Variants in TYW5 observed in about 807,000 individuals in gnomAD.
The protein encoded by TYW5 is tRNA-yW synthesizing protein 5.
Under a neutral mutation model 44.4 loss-of-function variants are expected in TYW5, and 36 were observed. That is an observed-to-expected ratio of 0.81 (90% CI 0.62 to 1.07). The LOEUF is 1.07. Ranked by LOEUF, TYW5 falls within the 50% of genes least tolerant of loss-of-function variation. The pLI is 0.00. For missense variants in TYW5, 354 were observed against 365.7 expected (o/e 0.97, Z 0.26); for synonymous variants, 121 against 128.1 (o/e 0.94, Z 0.37).
intron 1 of TYW5, among the ~76,000 whole-genome samples, chr2:199,952,016 CA>C (rs557573511): frequency 0.013 from 1,361 of 108,542 alleles, 9 homozygotes; most frequent in South Asian, 0.032. Flanking sequence ...GACTCCGTCT[CA>C]AAAAAAAAAA....
Position 199,929,349 on chromosome 2 carries a change from T to C in TYW5, c.*3718A>G, listed in dbSNP as rs922311002. ...CTTAAAAGTATAATAAAAAAATAAA[T>C]AGAGACTACAACTTAGGTATATTTA... On this transcript the variant is annotated 3_prime_UTR_variant, in exon 8 of 8. Transcript: ENST00000354611. Among the ~76,000 whole-genome samples the C allele has an allele frequency of 6.6e-6, 1 of 151,986 alleles. No individual in the cohort carries two copies. Among genetic ancestry groups the C allele is most frequent in the African/African-American group, 2.4e-5 (1 of 41,384 alleles).
intron 2 of TYW5, 186 bp downstream of exon 2, chr2:199,948,132 A>G (rs1033937168): frequency 4.0e-5 from 24 of 597,376 alleles, no homozygotes; most frequent in Non-Finnish European, 5.7e-5. Context: ...TCACTGTATA[A>G]TTATGTAAAC....
Position 199,933,197 on chromosome 2 carries a change from G to C in TYW5, c.818C>G (p.Ser273Ter). The C allele has an allele frequency of 1.2e-6, 2 of 1,614,106 alleles. No homozygotes were observed. Among genetic ancestry groups the C allele is most frequent in the Non-Finnish European group, 1.7e-6 (2 of 1,180,006 alleles). The change falls in exon 8 of 8, where the codon TCA becomes TGA. Residue 273 changes from serine (S) to a stop codon, truncating the protein, a stop_gained. Coordinates refer to ENST00000354611, the MANE Select transcript of TYW5 (RefSeq NM_001039693.3). LOFTEE classifies it high-confidence loss of function. ...TYGNKDPTAA[S>*]RAAQILDRAL... Reference sequence around the variant, plus strand: ...TCTGTCCAGAATTTGTGCAGCTCTTGATGCTGCTGTAGGATCTTTGTTTCC... The same window carrying C: ...TCTGTCCAGAATTTGTGCAGCTCTTCATGCTGCTGTAGGATCTTTGTTTCC...
At chr2:199,936,609 A>C (rs2077423144) in intron 5 of TYW5, 117 bp from the exon 6 acceptor site, 1 of 743,442 alleles carries the variant, frequency 1.3e-6, no homozygotes, top group African/African-American at 1.8e-5. Context: ...GACTTACTTA[A>C]GACTCTTACA....
At chr2:199,935,904 C>G in intron 7 of TYW5, 27 bp downstream of exon 7, 1 of 1,413,348 alleles carries the variant, frequency 7.1e-7, no homozygotes, top group South Asian at 1.2e-5. Context: ...TTATAAATAG[C>G]ACATTAGTGA....
intron 1 of TYW5, among the ~76,000 whole-genome samples, chr2:199,953,334 AAAAAG>A (rs1260831426): frequency 1.3e-5 from 2 of 152,102 alleles, no homozygotes; most frequent in Non-Finnish European, 2.9e-5. Context: ...AAAAAAAAAG[AAAAAG>A]AAAATGATGT....
intron 2 of TYW5, 96 bp downstream of exon 2, chr2:199,948,222 G>T: frequency 7.8e-7 from 1 of 1,275,908 alleles, no homozygotes; most frequent in Non-Finnish European, 1.1e-6. Context: ...GCCAAAAGAT[G>T]AAATGCCATA....
At position 199,935,750 on chromosome 2, in the gene TYW5, AC is replaced by A. The variant is rs1445802606; in HGVS notation, c.691+180del. On this transcript the variant is annotated intron_variant, in intron 7 of 7. Transcript: ENST00000354611. ...CACACACACACACACACACACACAC[AC>A]ACACACACACACACATACACACACA... Among the ~76,000 whole-genome samples, 60 of 144,666 alleles carry A rather than the reference AC, an allele frequency of 4.1e-4. 1 individual carries two copies. Among genetic ancestry groups the A allele is most frequent in the Non-Finnish European group, 7.6e-4 (50 of 65,748 alleles). 94.9% of individuals were successfully genotyped at this position (144,666 alleles called of 152,430 possible).
Position 199,936,397 on chromosome 2 carries a change from T to C in TYW5, c.574+8A>G, listed in dbSNP as rs780854182. On this transcript the variant is annotated splice_region_variant and intron_variant, in intron 6 of 7. Coordinates refer to ENST00000354611, the MANE Select transcript of TYW5 (RefSeq NM_001039693.3). ...TTTTGAAATATAAACTTAAAAAAAA[T>C]CCCATACCTTTTAAATATAAATACT... is the stretch of plus-strand genomic sequence containing the variant. 6.2e-7 allele frequency: 1 copy of C among 1,603,652 alleles called. No homozygotes were observed. Among genetic ancestry groups the C allele is most frequent in the Non-Finnish European group, 8.5e-7 (1 of 1,176,330 alleles).
rs548704991 is a variant in TYW5, at chr2:199,929,250, C to T, written c.*3817G>A. 5.1e-4 allele frequency among the ~76,000 whole-genome samples: 78 copies of T among 152,108 alleles called. No individual in the cohort carries two copies. Among genetic ancestry groups the T allele is most frequent in the African/African-American group, 1.8e-3 (74 of 41,478 alleles). On this transcript the variant is annotated 3_prime_UTR_variant, in exon 8 of 8. Transcript: ENST00000354611. The stretch of plus-strand genomic sequence containing the variant: ...ATACCTAATGTAAATGACGAGTTAA[C>T]GGGTGCAGCACACCAACATGGCACA...
At position 199,940,244 on chromosome 2, in the gene TYW5, A is replaced by G. The variant is rs544417931; in HGVS notation, c.304-111T>C. 69 of 974,532 alleles carry G rather than the reference A, an allele frequency of 7.1e-5. No individual in the cohort carries two copies. The East Asian group carries it at 1.7e-3, about 24-fold the overall frequency. 60.4% of individuals were successfully genotyped at this position (974,532 alleles called of 1,614,324 possible). ...TTCATAATAATTAAAAGTAAAAAAA[A>G]GAATTATGTACTGAGAACTACGGAA... On this transcript the variant is annotated intron_variant, in intron 3 of 7. Coordinates refer to ENST00000354611, the MANE Select transcript of TYW5 (RefSeq NM_001039693.3).
In TYW5 at chr2:199,939,100, A is replaced by T. The variant is rs1304719467; in HGVS notation, c.349-30T>A. The T allele has an allele frequency of 1.9e-6, 3 of 1,574,794 alleles. No homozygotes were observed. In the Admixed American group the frequency reaches 5.9e-5, roughly 31 times the overall value. ...ATTTACAGAAACATAAAAAGAAAAAATTAGATTAGACCCTATGATATTAAG... is the reference window on the plus strand; with the variant it reads ...ATTTACAGAAACATAAAAAGAAAAATTTAGATTAGACCCTATGATATTAAG... On this transcript the variant is annotated intron_variant, in intron 4 of 7. Transcript: ENST00000354611.
chr2:199,941,527 C>T (rs2077464807), intron 3 of TYW5, among the ~76,000 whole-genome samples: 1 of 152,140 alleles, frequency 6.6e-6, no homozygotes, highest in Non-Finnish European at 1.5e-5. Flanking sequence ...TATCTTAAGA[C>T]ATAAATTGAT....
rs1223857779 is a variant in TYW5 at position 199,930,731 on chromosome 2, A to C, written c.*2336T>G. ...AAACTAGCCAAAGAAAAGCTGTGTA[A>C]TCTATTCAGAAGTACTGGAGATGTG... is the stretch of plus-strand genomic sequence containing the variant. On this transcript the variant is annotated 3_prime_UTR_variant, in exon 8 of 8. Transcript: ENST00000354611. 6.6e-6 allele frequency: 1 copy of C among 151,408 alleles called. No homozygotes were observed. Among genetic ancestry groups the C allele is most frequent in the Non-Finnish European group, 1.5e-5 (1 of 67,980 alleles). 9.4% of individuals were successfully genotyped at this position (151,408 alleles called of 1,614,324 possible).
intron 7 of TYW5, among the ~76,000 whole-genome samples, chr2:199,934,657 T>C (rs1442906721): frequency 6.6e-6 from 1 of 152,096 alleles, no homozygotes; most frequent in Non-Finnish European, 1.5e-5. Flanking sequence ...TCTTTATTAA[T>C]ATTTACTTAT....
At chr2:199,937,820 G>C (rs1210386046) in intron 5 of TYW5, among the ~76,000 whole-genome samples, 1 of 152,070 alleles carries the variant, frequency 6.6e-6, no homozygotes, top group Non-Finnish European at 1.5e-5. Context: ...ACTGACTATG[G>C]TAAAATCCTC....
chr2:199,935,961 G>A lies in TYW5; in HGVS notation c.661C>T (p.Leu221Phe). 1.9e-6 allele frequency: 3 copies of A among 1,612,346 alleles called. No homozygotes were observed. The highest frequency in any genetic ancestry group is 2.5e-6 in the Non-Finnish European group (3 of 1,178,912). The change falls in exon 7 of 8, where the codon CTT becomes TTT. Residue 221 changes from leucine (L) to phenylalanine (F), a missense_variant. Transcript: ENST00000354611. ...ATGAATAATACATCACCAGCTTCAA[G>A]GGAACATTCATATCTTCTAGCCTTG... ...FSKARRYECSLEAGDVLFIPA... is the reference protein window; with the variant it reads ...FSKARRYECSFEAGDVLFIPA...
intron 7 of TYW5, among the ~76,000 whole-genome samples, chr2:199,934,478 C>G (rs281762): frequency 0.83 from 126,355 of 151,830 alleles, 52,675 homozygotes; most frequent in South Asian, 0.91. Flanking sequence ...CTAATACGTT[C>G]GTTGCTTTCA....
At chr2:199,949,095 C>T (rs906845685) in intron 1 of TYW5, among the ~76,000 whole-genome samples, 5 of 151,970 alleles carry the variant, frequency 3.3e-5, no homozygotes, top group African/African-American at 9.7e-5. Context: ...CAGTGGCTCA[C>T]GCTTGTAATC....
Sources: allele counts gnomAD v4.1 joint callset (sites outside exome capture counted in the v4.1 genomes callset), GRCh38; gene constraint gnomAD v4.1.1; transcripts MANE v1.5; gene names NCBI Gene and HGNC (gene_info 2026-07-23, HGNC 2026-07-21).